Variants in ARHGAP8 observed in about 807,000 individuals in gnomAD.
ARHGAP8 encodes Rho GTPase activating protein 8.
Under a neutral mutation model 46.1 loss-of-function variants are expected in ARHGAP8, and 62 were observed. The ratio of observed to expected loss-of-function variants is 1.34; its 90% CI spans 1.10 to 1.66. The LOEUF (loss-of-function observed/expected upper bound fraction) is 1.66. Ranked by LOEUF, ARHGAP8 falls within the 40% of genes most tolerant of loss-of-function variation. The probability of loss-of-function intolerance (pLI) is 0.00; values close to 1 mark genes in which losing one functional copy is unlikely to be tolerated. For missense variants in ARHGAP8, 923 were observed against 568.4 expected (o/e 1.62, Z -6.34); for synonymous variants, 375 against 243.1 (o/e 1.54, Z -5.05).
intron 1 of ARHGAP8, among the ~76,000 whole-genome samples, chr22:44,784,581 C>T (rs1356105430): frequency 6.6e-6 from 1 of 152,078 alleles, no homozygotes; most frequent in Non-Finnish European, 1.5e-5. Context: ...TTTTGGTATC[C>T]CTGGGGGGTC....
chr22:44,827,336 G>GGTT (rs1223857467), intron 7 of ARHGAP8, among the ~76,000 whole-genome samples: 12 of 67,258 alleles, frequency 1.8e-4, no homozygotes, highest in Admixed American at 7.6e-4. Flanking sequence ...TTGGGTGGTG[G>GGTT]TTTTTTTTTT....
chr22:44,800,100 C>CTTTTTTT (rs769010356), intron 2 of ARHGAP8, among the ~76,000 whole-genome samples: 1 of 92,560 alleles, frequency 1.1e-5, no homozygotes. Flanking sequence ...TCTGTTCTGT[C>CTTTTTTT]TTTTTTTTTT....
intron 7 of ARHGAP8, among the ~76,000 whole-genome samples, chr22:44,829,776 A>T (rs1383994151): frequency 6.6e-6 from 1 of 152,256 alleles, no homozygotes; most frequent in Non-Finnish European, 1.5e-5. Flanking sequence ...ACAAATGTTA[A>T]TTTGCCAAGT....
intron 11 of ARHGAP8, among the ~76,000 whole-genome samples, chr22:44,861,221 C>G (rs554410983): frequency 6.6e-6 from 1 of 152,164 alleles, no homozygotes; most frequent in Non-Finnish European, 1.5e-5. Flanking sequence ...ATCCACCTGC[C>G]TCGGCCTCTT....
At chr22:44,767,601 C>A (rs574445725) in intron 1 of ARHGAP8, among the ~76,000 whole-genome samples, 2 of 152,230 alleles carry the variant, frequency 1.3e-5, no homozygotes, top group Admixed American at 1.3e-4. Flanking sequence ...CTGCCTTTAA[C>A]TGTTGTGTCT....
rs769906785 is a variant in ARHGAP8 at position 44,862,702 on chromosome 22, C to T, written c.*107C>T. 2.0e-4 allele frequency: 276 copies of T among 1,348,088 alleles called. No homozygotes were observed. Among genetic ancestry groups the T allele is most frequent in the Non-Finnish European group, 2.5e-4 (257 of 1,016,644 alleles). The allele number at this position is 1,348,088 out of a possible 1,614,324, so 83.5% of individuals were successfully genotyped here. ...AAAATAACCAGCCATTAGATGAATT[C>T]AGAACCTTCTAATGAAAACTCCATG... On this transcript the variant is annotated 3_prime_UTR_variant, in exon 12 of 12. Transcript: ENST00000356099.
intron 7 of ARHGAP8, 70 bp downstream of exon 7, chr22:44,825,663 C>A: frequency 6.6e-7 from 1 of 1,505,674 alleles, no homozygotes; most frequent in Non-Finnish European, 8.9e-7. Flanking sequence ...CTTCTGGGTC[C>A]AGAAATATTT....
At chr22:44,783,771 T>G (rs1341090542) in intron 1 of ARHGAP8, among the ~76,000 whole-genome samples, 1 of 152,060 alleles carries the variant, frequency 6.6e-6, no homozygotes, top group Non-Finnish European at 1.5e-5. Flanking sequence ...GGCGGCCGGC[T>G]GTACCTCCGG....
chr22:44,833,687 G>A (rs1370142118), intron 7 of ARHGAP8, among the ~76,000 whole-genome samples: 1 of 152,176 alleles, frequency 6.6e-6, no homozygotes, highest in African/African-American at 2.4e-5. Flanking sequence ...GAGTTGGGAA[G>A]TGTTTCCTCC....
At chr22:44,813,571 A>G (rs1028674696) in intron 4 of ARHGAP8, among the ~76,000 whole-genome samples, 8 of 151,416 alleles carry the variant, frequency 5.3e-5, no homozygotes, top group African/African-American at 1.9e-4. Flanking sequence ...CCTACATACA[A>G]CTACACACAC....
At chr22:44,816,141 T>C (rs1490537356) in intron 5 of ARHGAP8, among the ~76,000 whole-genome samples, 1 of 135,298 alleles carries the variant, frequency 7.4e-6, no homozygotes, top group Non-Finnish European at 1.6e-5. Flanking sequence ...CCCCCTCGGC[T>C]CCTTCCACTT....
In ARHGAP8 at chr22:44,862,772, C is replaced by T. The variant is rs1033998199; in HGVS notation, c.*177C>T. ...TGTCCATGGTTCCTGAGCTGTGGACCGGGATAGAATAATGCATTTGTTAGG... is the reference window on the plus strand; with the variant it reads ...TGTCCATGGTTCCTGAGCTGTGGACTGGGATAGAATAATGCATTTGTTAGG... On this transcript the variant is annotated 3_prime_UTR_variant, in exon 12 of 12. Coordinates refer to ENST00000356099, the MANE Select transcript of ARHGAP8 (RefSeq NM_181335.3). 42 of 744,768 alleles carry T rather than the reference C, an allele frequency of 5.6e-5. No individual in the cohort carries two copies. Among genetic ancestry groups the T allele is most frequent in the Middle Eastern group, 3.6e-4 (1 of 2,748 alleles). 46.1% of individuals were successfully genotyped at this position (744,768 alleles called of 1,614,324 possible).
At chr22:44,800,487 C>G (rs1234744865) in intron 2 of ARHGAP8, among the ~76,000 whole-genome samples, 3 of 152,148 alleles carry the variant, frequency 2.0e-5, no homozygotes, top group African/African-American at 7.2e-5. Flanking sequence ...AGTCCCAGCT[C>G]TCAAGGGGTA....
At chr22:44,806,292 C>G (rs16992880) in intron 3 of ARHGAP8, among the ~76,000 whole-genome samples, 2 of 151,964 alleles carry the variant, frequency 1.3e-5, no homozygotes, top group Non-Finnish European at 2.9e-5. Context: ...ACATGGTGTT[C>G]GAGACAGCAC....
intron 9 of ARHGAP8, among the ~76,000 whole-genome samples, chr22:44,848,307 T>C (rs1185794970): frequency 1.3e-5 from 2 of 152,160 alleles, no homozygotes; most frequent in Non-Finnish European, 2.9e-5. Flanking sequence ...GGTCTCTCCA[T>C]CCACACCACG....
chr22:44,787,955 T>A, intron 2 of ARHGAP8, among the ~76,000 whole-genome samples: 1 of 131,420 alleles, frequency 7.6e-6, no homozygotes. Flanking sequence ...CCAAATGTCC[T>A]TTTAAGAAAA....
At chr22:44,846,914 G>A (rs1463052457) in intron 8 of ARHGAP8, among the ~76,000 whole-genome samples, 2 of 152,136 alleles carry the variant, frequency 1.3e-5, no homozygotes, top group Non-Finnish European at 2.9e-5. Context: ...CTGAGGGAGG[G>A]GCAGTGGAGC....
chr22:44,779,182 C>T (rs9614923), intron 1 of ARHGAP8, among the ~76,000 whole-genome samples: 35,925 of 149,786 alleles, frequency 0.24, 7,022 homozygotes, highest in African/African-American at 0.55. Flanking sequence ...TCACTGCAAC[C>T]TCCGCCTCTT....
At chr22:44,760,430 C>A (rs1036324280) in intron 1 of ARHGAP8, among the ~76,000 whole-genome samples, 2 of 152,194 alleles carry the variant, frequency 1.3e-5, no homozygotes, top group Admixed American at 1.3e-4. Context: ...GTGCAAGCTT[C>A]TTTGTCTCTG....
Sources: gnomAD v4.1 joint callset for allele counts (sites outside exome capture counted in the v4.1 genomes callset) on GRCh38, gnomAD v4.1.1 for gene constraint, MANE v1.5 for transcripts, NCBI Gene and HGNC (gene_info 2026-07-23, HGNC 2026-07-21) for gene names.